LRRD1: variants seen among roughly 807,000 people sequenced by gnomAD.
LRRD1 encodes leucine rich repeats and death domain containing 1, also known as leucine-rich repeat and death domain-containing protein 1.
LRRD1 carries 49 observed loss-of-function variants against 69.5 expected under a neutral mutation model. The observed-to-expected ratio is 0.70, with a 90% CI of 0.56 to 0.89. LRRD1 has a LOEUF of 0.89. Ranked by LOEUF, LRRD1 falls within the 40% of genes least tolerant of loss-of-function variation. The pLI is 0.00. For missense variants in LRRD1, 853 were observed against 956.0 expected (o/e 0.89, Z 1.42); for synonymous variants, 303 against 338.9 (o/e 0.89, Z 1.16).
In LRRD1 at chr7:92,179,066, T is replaced by A. The variant is rs1482532050; in HGVS notation, c.-134A>T. On this transcript the variant is annotated 5_prime_UTR_variant, in exon 1 of 6. Transcript: ENST00000458448. ...AGGACCGGTAGGGGGCGCGCGCGGTTGAGTCCAGCAATTGCGAGGACCTCC... is the reference window on the plus strand; with the variant it reads ...AGGACCGGTAGGGGGCGCGCGCGGTAGAGTCCAGCAATTGCGAGGACCTCC... 6.6e-6 allele frequency: 1 copy of A among 152,298 alleles called. No homozygotes were observed. The highest frequency in any genetic ancestry group is 2.4e-5 in the African/African-American group (1 of 41,458). 9.4% of individuals were successfully genotyped at this position (152,298 alleles called of 1,614,324 possible). A position where few individuals can be genotyped will look rare whatever the true frequency, so the allele number is the denominator to read the frequency against.
downstream of LRRD1, among the ~76,000 whole-genome samples, chr7:92,143,416 CG>C (rs35417517): frequency 0.43 from 65,744 of 151,892 alleles, 14,977 homozygotes; most frequent in African/African-American, 0.57. Context: ...GCCATGGAAC[CG>C]GGGGCGGCAC....
Position 92,163,958 on chromosome 7 carries a change from A to G in LRRD1, c.1245T>C (p.His415=). 6.5e-7 allele frequency: 1 copy of G among 1,536,496 alleles called. No individual in the cohort carries two copies. Among genetic ancestry groups the G allele is most frequent in the Non-Finnish European group, 8.8e-7 (1 of 1,141,580 alleles). Reference sequence around the variant, plus strand: ...GGAGTTTTCTTAAATTGTTAAGCTTATGGATGTACTTAGGGAGTTCTGTTA... The same window carrying G: ...GGAGTTTTCTTAAATTGTTAAGCTTGTGGATGTACTTAGGGAGTTCTGTTA... The part of the protein sequence containing the change: ...NKLTELPKYI[H]KLNNLRKLHV... The change falls in exon 2 of 6, where the codon CAT becomes CAC. Residue 415 remains histidine (H), a synonymous_variant. Transcript: ENST00000458448.
intron 1 of LRRD1, among the ~76,000 whole-genome samples, chr7:92,170,259 A>G (rs1445540043): frequency 6.6e-6 from 1 of 152,198 alleles, no homozygotes; most frequent in Non-Finnish European, 1.5e-5. Flanking sequence ...ATTACCTCAA[A>G]GTACCAGATC....
intron 1 of LRRD1, among the ~76,000 whole-genome samples, chr7:92,176,632 C>T (rs889695188): frequency 4.0e-5 from 6 of 151,134 alleles, no homozygotes; most frequent in Non-Finnish European, 8.8e-5. Flanking sequence ...GGTGCAATCT[C>T]GGCTCACTGC....
At chr7:92,168,521 C>T (rs922744952) in intron 1 of LRRD1, among the ~76,000 whole-genome samples, 1 of 152,112 alleles carries the variant, frequency 6.6e-6, no homozygotes, top group Non-Finnish European at 1.5e-5. Flanking sequence ...GAACTCCTAC[C>T]TAGCCTTCTC....
At chr7:92,158,416 T>TATATATGTGTACATATATGTGC (rs1177592124) in intron 3 of LRRD1, among the ~76,000 whole-genome samples, 2 of 152,122 alleles carry the variant, frequency 1.3e-5, no homozygotes, top group Admixed American at 1.3e-4. Context: ...TGTATATATG[T>TATATATGTGTACATATATGTGC]ATATATGTGT....
At chr7:92,147,654 G>C (rs1191288690) in intron 4 of LRRD1, among the ~76,000 whole-genome samples, 2 of 152,122 alleles carry the variant, frequency 1.3e-5, no homozygotes, top group Admixed American at 6.6e-5. Flanking sequence ...TGAGCAATTA[G>C]TGATTTTAGT....
chr7:92,148,087 C>A (rs938848541), intron 4 of LRRD1, among the ~76,000 whole-genome samples: 1 of 151,902 alleles, frequency 6.6e-6, no homozygotes, highest in African/African-American at 2.4e-5. Flanking sequence ...ACTACAGGCA[C>A]GTGCCACCAT....
downstream of LRRD1, among the ~76,000 whole-genome samples, chr7:92,144,253 C>G (rs780940713): frequency 6.6e-6 from 1 of 152,188 alleles, no homozygotes; most frequent in African/African-American, 2.4e-5. Flanking sequence ...TGCTTTCTAA[C>G]TCCAGTGAAA....
In LRRD1 at chr7:92,164,816, G is replaced by C; in HGVS notation, c.387C>G (p.Val129=). The C allele has an allele frequency of 3.2e-6, 5 of 1,551,550 alleles. No homozygotes were observed. Among genetic ancestry groups the C allele is most frequent in the Non-Finnish European group, 4.4e-6 (5 of 1,146,916 alleles). ...HETVGEVSPQ[V]SEENQKQLGL... is the part of the protein sequence containing the mutation. ...CAAGTTGTTTCTGATTTTCTTCAGA[G>C]ACTTGTGGACTAACTTCTCCTACTG... The change falls in exon 2 of 6, where the codon GTC becomes GTG. Residue 129 remains valine, a synonymous_variant. Coordinates refer to ENST00000458448, the MANE Select transcript of LRRD1 (RefSeq NM_001161528.2).
intron 1 of LRRD1, among the ~76,000 whole-genome samples, chr7:92,167,097 T>G (rs1415429205): frequency 6.6e-6 from 1 of 150,988 alleles, no homozygotes; most frequent in Non-Finnish European, 1.5e-5. Flanking sequence ...TCAATTTTCT[T>G]TCTTTTTTTT....
intron 1 of LRRD1, among the ~76,000 whole-genome samples, chr7:92,173,438 A>G (rs1252188345): frequency 2.0e-5 from 3 of 152,256 alleles, no homozygotes; most frequent in Admixed American, 6.5e-5. Context: ...AAATATTTGC[A>G]AACTACCCAT....
chr7:92,171,832 T>C (rs1048438178), intron 1 of LRRD1, among the ~76,000 whole-genome samples: 2 of 152,256 alleles, frequency 1.3e-5, no homozygotes, highest in African/African-American at 4.8e-5. Flanking sequence ...TCAAGTGCGA[T>C]TCATCCCAGG....
intron 1 of LRRD1, among the ~76,000 whole-genome samples, chr7:92,167,890 A>AAT (rs1788951412): frequency 6.8e-6 from 1 of 148,096 alleles, no homozygotes; most frequent in Non-Finnish European, 1.5e-5. Context: ...AAAAAAAAAA[A>AAT]AAAAAAAAAA....
chr7:92,170,143 C>T (rs571340718), intron 1 of LRRD1, among the ~76,000 whole-genome samples: 101 of 124,662 alleles, frequency 8.1e-4, no homozygotes, highest in African/African-American at 2.7e-3. Flanking sequence ...GAAGGAAGGA[C>T]GGAAGGAAGG....
chr7:92,173,857 A>G (rs940589479), intron 1 of LRRD1, among the ~76,000 whole-genome samples: 1 of 151,548 alleles, frequency 6.6e-6, no homozygotes, highest in Non-Finnish European at 1.5e-5. Context: ...AAATCACTAT[A>G]TCAAAGAGAT....
At chr7:92,177,772 T>A (rs1789228959) in intron 1 of LRRD1, among the ~76,000 whole-genome samples, 1 of 152,218 alleles carries the variant, frequency 6.6e-6, no homozygotes, top group Non-Finnish European at 1.5e-5. Context: ...CTCTAAACTA[T>A]TTTATCAGTA....
chr7:92,161,628 G>A (rs575002638), intron 2 of LRRD1, among the ~76,000 whole-genome samples: 4 of 152,216 alleles, frequency 2.6e-5, no homozygotes, highest in Non-Finnish European at 5.9e-5. Context: ...AGCTTTTTCA[G>A]AGGAAAAATA....
Position 92,159,134 on chromosome 7 carries a change from T to G in LRRD1, c.1987A>C (p.Ile663Leu). ...LKELDISNNA[I>L]REIPRNIGEL... ...CCTATATTTCTTGGAATCTCTCTGATTGCATTATTTGAGATATCAAGTTCT... is the reference window on the plus strand; with the variant it reads ...CCTATATTTCTTGGAATCTCTCTGAGTGCATTATTTGAGATATCAAGTTCT... The change falls in exon 3 of 6, where the codon ATC becomes CTC. Residue 663 changes from isoleucine to leucine, a missense_variant. Around this residue, in one of 3 missense-constraint regions of LRRD1, gnomAD observed 739 missense variants for 808.0 expected, o/e 0.91. Coordinates refer to ENST00000458448, the MANE Select transcript of LRRD1 (RefSeq NM_001161528.2). The G allele has an allele frequency of 6.5e-7, 1 of 1,546,940 alleles. No homozygotes were observed. Among genetic ancestry groups the G allele is most frequent in the Non-Finnish European group, 8.7e-7 (1 of 1,145,342 alleles).
Sources: allele counts gnomAD v4.1 joint callset (sites outside exome capture counted in the v4.1 genomes callset), GRCh38; gene constraint gnomAD v4.1.1; regional missense constraint gnomAD v4.1.1; transcripts MANE v1.5; gene names NCBI Gene and HGNC (gene_info 2026-07-23, HGNC 2026-07-21).